Variants in HS3ST3A1 observed in about 807,000 individuals in gnomAD.
HS3ST3A1 encodes heparan sulfate-glucosamine 3-sulfotransferase 3A1, also known as heparan sulfate glucosamine 3-O-sulfotransferase 3A1.
A neutral mutation model predicts 25.7 loss-of-function variants in HS3ST3A1; 19 were observed. The observed-to-expected ratio is 0.74, with a 90% CI of 0.52 to 1.08. The LOEUF (loss-of-function observed/expected upper bound fraction) is 1.08. Ranked by LOEUF, HS3ST3A1 falls within the 50% of genes least tolerant of loss-of-function variation. The pLI is 0.00. For synonymous variants in HS3ST3A1, 226 were observed against 278.6 expected (o/e 0.81, Z 1.88); for missense variants, 459 against 594.3 (o/e 0.77, Z 2.37).
chr17:13,517,346 G>T (rs558515722), intron 1 of HS3ST3A1, among the ~76,000 whole-genome samples: 1 of 152,274 alleles, frequency 6.6e-6, no homozygotes, highest in Non-Finnish European at 1.5e-5. Context: ...GAATAAAAAG[G>T]TAATGTCCCT....
At chr17:13,535,703 T>C (rs114675452) in intron 1 of HS3ST3A1, among the ~76,000 whole-genome samples, 66 of 152,276 alleles carry the variant, frequency 4.3e-4, no homozygotes, top group African/African-American at 1.5e-3. Flanking sequence ...GCCAAATATA[T>C]TGGGATGTCT....
intron 1 of HS3ST3A1, among the ~76,000 whole-genome samples, chr17:13,512,300 C>T (rs1168796439): frequency 1.5e-5 from 1 of 67,126 alleles, no homozygotes; most frequent in East Asian, 3.3e-4. Context: ...AGCGAGACTC[C>T]GTCTCAAAAA....
chr17:13,556,336 G>A (rs1018751802), intron 1 of HS3ST3A1, among the ~76,000 whole-genome samples: 4 of 151,366 alleles, frequency 2.6e-5, no homozygotes, highest in East Asian at 2.0e-4. Context: ...GTGAAACCCC[G>A]TCTCTACTAA....
At chr17:13,591,793 G>A (rs1908433131) in intron 1 of HS3ST3A1, among the ~76,000 whole-genome samples, 1 of 151,704 alleles carries the variant, frequency 6.6e-6, no homozygotes, top group Admixed American at 6.6e-5. Context: ...CGAGTAGCTG[G>A]GATTACAGGG....
chr17:13,556,068 C>T (rs1308617664), intron 1 of HS3ST3A1: 1 of 152,168 alleles, frequency 6.6e-6, no homozygotes, highest in East Asian at 1.9e-4. Flanking sequence ...GTGGCATCCA[C>T]ATTCAGCTTT....
chr17:13,598,320 C>T (rs1173732514), intron 1 of HS3ST3A1, among the ~76,000 whole-genome samples: 1 of 152,060 alleles, frequency 6.6e-6, no homozygotes, highest in Admixed American at 6.6e-5. Context: ...ACTCCAAGTT[C>T]AGAGCCAAGA....
chr17:13,579,652 G>A (rs1388964111), intron 1 of HS3ST3A1, among the ~76,000 whole-genome samples: 1 of 121,098 alleles, frequency 8.3e-6, no homozygotes, highest in African/African-American at 3.2e-5. Context: ...AGTGAGCCAA[G>A]ATCACACTAC....
intron 1 of HS3ST3A1, among the ~76,000 whole-genome samples, chr17:13,592,486 G>T (rs573475131): frequency 6.6e-6 from 1 of 152,242 alleles, no homozygotes; most frequent in South Asian, 2.1e-4. Context: ...GAAGAAAAGT[G>T]TATAGCCACT....
intron 1 of HS3ST3A1, among the ~76,000 whole-genome samples, chr17:13,562,444 T>A (rs1428909129): frequency 1.3e-5 from 2 of 152,128 alleles, no homozygotes; most frequent in Non-Finnish European, 2.9e-5. Flanking sequence ...AAAGTAACCC[T>A]ATCCAATTCC....
chr17:13,516,200 C>T (rs1030609487), intron 1 of HS3ST3A1, among the ~76,000 whole-genome samples: 26 of 152,166 alleles, frequency 1.7e-4, no homozygotes, highest in Admixed American at 1.7e-3. Context: ...ATCCCAGCTA[C>T]TCGGAAGGCT....
At chr17:13,520,012 A>C (rs905944262) in intron 1 of HS3ST3A1, among the ~76,000 whole-genome samples, 2 of 152,200 alleles carry the variant, frequency 1.3e-5, no homozygotes, top group Admixed American at 6.6e-5. Context: ...CCATCTCCTA[A>C]TAACTATCTG....
At chr17:13,572,983 C>T (rs1403657185) in intron 1 of HS3ST3A1, among the ~76,000 whole-genome samples, 1 of 152,186 alleles carries the variant, frequency 6.6e-6, no homozygotes, top group African/African-American at 2.4e-5. Context: ...ATGTGGAGTC[C>T]TGGAGTTCAG....
At chr17:13,504,221 T>C (rs1198665487) in intron 1 of HS3ST3A1, among the ~76,000 whole-genome samples, 1 of 151,792 alleles carries the variant, frequency 6.6e-6, no homozygotes. Flanking sequence ...GGAGGCTGAG[T>C]CAGGAGAATA....
At chr17:13,550,724 A>ACAG (rs1907215945) in intron 1 of HS3ST3A1, among the ~76,000 whole-genome samples, 1 of 151,994 alleles carries the variant, frequency 6.6e-6, no homozygotes, top group Non-Finnish European at 1.5e-5. Context: ...AACAACAACA[A>ACAG]CAACAACAAC....
At chr17:13,528,304 C>T (rs1906500983) in intron 1 of HS3ST3A1, among the ~76,000 whole-genome samples, 1 of 152,210 alleles carries the variant, frequency 6.6e-6, no homozygotes, top group Admixed American at 6.5e-5. Flanking sequence ...AGATGTGCTA[C>T]TCAGATCACC....
intron 1 of HS3ST3A1, among the ~76,000 whole-genome samples, chr17:13,585,478 G>A (rs7225570): frequency 0.091 from 13,758 of 150,612 alleles, 1,133 homozygotes; most frequent in African/African-American, 0.22. Flanking sequence ...GAGGTTACAG[G>A]CATGAGCCAG....
chr17:13,585,737 G>C (rs1326160946), intron 1 of HS3ST3A1, among the ~76,000 whole-genome samples: 4 of 150,782 alleles, frequency 2.7e-5, no homozygotes, highest in Admixed American at 2.0e-4. Flanking sequence ...TCCCAAATCT[G>C]ACCCTTACTC....
intron 1 of HS3ST3A1, among the ~76,000 whole-genome samples, chr17:13,550,887 T>TGGGTTTCGTA (rs1480248774): frequency 5.3e-5 from 8 of 151,600 alleles, no homozygotes; most frequent in African/African-American, 1.5e-4. Context: ...GCTAGCAGAG[T>TGGGTTTCGTA]GAAACCCCGT....
At chr17:13,551,854 GT>G (rs1009169685) in intron 1 of HS3ST3A1, among the ~76,000 whole-genome samples, 12 of 152,052 alleles carry the variant, frequency 7.9e-5, no homozygotes, top group African/African-American at 2.9e-4. Context: ...CCTCTTGTAT[GT>G]TTTTTCTTAT....
Sources: gnomAD v4.1 joint callset for allele counts (sites outside exome capture counted in the v4.1 genomes callset) on GRCh38, gnomAD v4.1.1 for gene constraint, MANE v1.5 for transcripts, NCBI Gene and HGNC (gene_info 2026-07-23, HGNC 2026-07-21) for gene names.